The following PPP1R3F variants were observed in gnomAD, a reference collection of about 807,000 sequenced individuals.
PPP1R3F encodes protein phosphatase 1 regulatory subunit 3F, also known as protein phosphatase 1, regulatory (inhibitor) subunit 3F.
In PPP1R3F, 29 loss-of-function variants were observed where a neutral mutation model predicts 24.2. That is an observed-to-expected ratio of 1.20 (90% CI 0.89 to 1.63). The LOEUF (loss-of-function observed/expected upper bound fraction) is 1.63. PPP1R3F is among the 40% of genes most tolerant of loss of function. PPP1R3F has a pLI of 0.00. For missense variants in PPP1R3F, 823 were observed against 729.3 expected, an observed-to-expected ratio of 1.13 and a Z score of -1.48; for synonymous variants, 363 against 340.1, an observed-to-expected ratio of 1.07 and a Z score of -0.74.
intron 3 of PPP1R3F, among the ~76,000 whole-genome samples, chrX:49,300,645 G>A (rs2066335188): frequency 9.1e-6 from 1 of 109,639 alleles, no homozygotes; most frequent in South Asian, 3.9e-4. Flanking sequence ...ACAAGCCACC[G>A]TGGCCCGATT....
Position 49,282,032 on chromosome X carries a change from C to G in PPP1R3F, c.1112C>G (p.Pro371Arg). 3 of 1,210,047 alleles carry G rather than the reference C, an allele frequency of 2.5e-6. No homozygotes were observed. Among genetic ancestry groups the G allele is most frequent in the Non-Finnish European group, 3.4e-6 (3 of 893,963 alleles). The change falls in exon 3 of 4, where the codon CCT becomes CGT. Residue 371 changes from proline (P) to arginine (R), a missense_variant. Physicochemically the swap from Pro to Arg is moderately radical, Grantham distance 103 (BLOSUM62 -2). Transcript: ENST00000055335. ...GTGGGTCCACTGGTAGCCCCCACCC[C>G]TCTCCGTCCATGGCCCCAGATGACA... ...ESVGPLVAPT[P>R]LRPWPQMTLQ... is the part of the protein sequence containing the mutation.
chrX:49,295,503 G>A (rs1325189065), intron 3 of PPP1R3F, among the ~76,000 whole-genome samples: 1 of 111,610 alleles, frequency 9.0e-6, no homozygotes, highest in Non-Finnish European at 1.9e-5. Flanking sequence ...GCCTCACTTG[G>A]TCATGGTGTC....
At chrX:49,271,581 T>C (rs2066180634) in intron 1 of PPP1R3F, among the ~76,000 whole-genome samples, 1 of 112,275 alleles carries the variant, frequency 8.9e-6, no homozygotes, top group South Asian at 3.6e-4. Flanking sequence ...TAGAGCAGAT[T>C]CTCTTTCTGA....
chrX:49,291,438 C>T (rs782410175), downstream of PPP1R3F, among the ~76,000 whole-genome samples: 25 of 109,368 alleles, frequency 2.3e-4, no homozygotes, highest in African/African-American at 8.0e-4. Context: ...AGAGATTCTC[C>T]TGCCTCAGCC....
At position 49,286,400 on chromosome X, in the gene PPP1R3F, C is replaced by G; in HGVS notation, c.1710C>G (p.Thr570=). 1 of 1,191,182 alleles carries G rather than the reference C, an allele frequency of 8.4e-7. No homozygotes were observed. Among genetic ancestry groups the G allele is most frequent in the African/African-American group, 1.7e-5 (1 of 57,595 alleles). The change falls in exon 4 of 4, where the codon ACC becomes ACG. Residue 570 remains threonine (T), a synonymous_variant. Coordinates refer to ENST00000055335, the MANE Select transcript of PPP1R3F (RefSeq NM_033215.5). ...GTGGCGTGGAGCTCATCAAGGACAC[C>G]GAAGACCCTGATGATGAAGGGGAGG... is the stretch of plus-strand genomic sequence containing the variant. ...LGRGVELIKD[T]EDPDDEGEGE... is the part of the protein sequence containing the mutation.
In PPP1R3F at chrX:49,270,266, C is replaced by T. The variant is rs782299856; in HGVS notation, c.397C>T (p.Arg133Cys). The T allele has an allele frequency of 2.7e-6, 3 of 1,098,875 alleles. No individual in the cohort carries two copies. The highest frequency in any genetic ancestry group is 3.9e-5 in the African/African-American group (2 of 51,724). 90.6% of individuals were successfully genotyped at this position (1,098,875 alleles called of 1,213,427 possible). Residue 133 changes from arginine to cysteine, a missense_variant, in exon 1 of 4, where the codon CGC (arginine) becomes TGC (cysteine). Physicochemically the swap from Arg to Cys is radical, Grantham distance 180 (BLOSUM62 -3). Coordinates refer to ENST00000055335, the MANE Select transcript of PPP1R3F (RefSeq NM_033215.5). Reference sequence around the variant, plus strand: ...GCCGGGCCGTCTGGAGCGCTTGGGGCGCGTCATGGTGGAGCTGGAGGCGCT... The same window carrying T: ...GCCGGGCCGTCTGGAGCGCTTGGGGTGCGTCATGGTGGAGCTGGAGGCGCT... The part of the protein sequence containing the change: ...PAPGRLERLG[R>C]VMVELEALLP...
downstream of PPP1R3F, among the ~76,000 whole-genome samples, chrX:49,291,288 T>TTCTCTCTCTC (rs781932322): frequency 0.021 from 1,087 of 50,582 alleles, 55 homozygotes; most frequent in African/African-American, 0.062. Flanking sequence ...CAGCCTACTT[T>TTCTCTCTCTC]TCTCTCTCTC....
At chrX:49,294,447 G>A (rs2066317360) in intron 3 of PPP1R3F, among the ~76,000 whole-genome samples, 1 of 108,548 alleles carries the variant, frequency 9.2e-6, no homozygotes, top group Non-Finnish European at 1.9e-5. Flanking sequence ...CTCGAACTCC[G>A]GAGCTCAAGT....
chrX:49,276,260 A>G (rs929958614), intron 1 of PPP1R3F, among the ~76,000 whole-genome samples: 1 of 112,365 alleles, frequency 8.9e-6, no homozygotes, highest in East Asian at 2.8e-4. Context: ...CCTCAATGGA[A>G]ATTTGGAGGG....
At chrX:49,294,973 T>C (rs1364721426) in intron 3 of PPP1R3F, among the ~76,000 whole-genome samples, 1 of 105,799 alleles carries the variant, frequency 9.5e-6, no homozygotes, top group Non-Finnish European at 1.9e-5. Context: ...GGATGCTTTA[T>C]ATCAGGTTAA....
intron 1 of PPP1R3F, chrX:49,274,949 A>G (rs1285965179): frequency 9.0e-6 from 1 of 110,551 alleles, no homozygotes; most frequent in East Asian, 2.9e-4. Context: ...AGTTTCTGCT[A>G]CTTGCTCTAG....
Position 49,282,015 on chromosome X carries a change from A to G in PPP1R3F, c.1095A>G (p.Pro365=). The change falls in exon 3 of 4, where the codon CCA becomes CCG. Residue 365 remains proline (P), a synonymous_variant. Transcript: ENST00000055335. ...CTGATGTCCAGGAGTCAGTGGGTCC[A>G]CTGGTAGCCCCCACCCCTCTCCGTC... ...EHPDVQESVG[P]LVAPTPLRPW... The G allele has an allele frequency of 8.3e-7, 1 of 1,210,355 alleles. No homozygotes were observed. Among genetic ancestry groups the G allele is most frequent in the Non-Finnish European group, 1.1e-6 (1 of 894,347 alleles).
intron 2 of PPP1R3F, among the ~76,000 whole-genome samples, chrX:49,281,767 G>T (rs1204799755): frequency 2.7e-5 from 3 of 110,494 alleles, no homozygotes; most frequent in African/African-American, 9.9e-5. Flanking sequence ...GGTTGATGCT[G>T]CAGTGAGTCA....
At chrX:49,295,363 C>T (rs1198433802) in intron 3 of PPP1R3F, among the ~76,000 whole-genome samples, 4 of 111,115 alleles carry the variant, frequency 3.6e-5, no homozygotes, top group Admixed American at 9.6e-5. Context: ...AGGCTCATCT[C>T]GAACTCCTGG....
At position 49,287,063 on chromosome X, in the gene PPP1R3F, G is replaced by T. The variant is rs782533592; in HGVS notation, c.2373G>T (p.Leu791=). 8.3e-7 allele frequency: 1 copy of T among 1,211,261 alleles called. No homozygotes were observed. Among genetic ancestry groups the T allele is most frequent in the East Asian group, 3.0e-5 (1 of 33,866 alleles). The change falls in exon 4 of 4, where the codon CTG becomes CTT. Residue 791 remains leucine, a synonymous_variant. Coordinates refer to ENST00000055335, the MANE Select transcript of PPP1R3F (RefSeq NM_033215.5). ...NSGVSLLVLA[L]CLSLAWFS ...GTGTGTCCCTCCTGGTGCTTGCGCT[G>T]TGCCTCTCTCTGGCTTGGTTCTCAT...
At chrX:49,280,562 T>TTTTTTTTTTTTTA (rs1569530703) in intron 1 of PPP1R3F, among the ~76,000 whole-genome samples, 7 of 100,091 alleles carry the variant, frequency 7.0e-5, no homozygotes, top group African/African-American at 7.6e-5. Context: ...TTTTTTTTTT[T>TTTTTTTTTTTTTA]GAGACTGAGT....
intron 1 of PPP1R3F, among the ~76,000 whole-genome samples, chrX:49,271,113 C>T (rs1166941752): frequency 8.9e-6 from 1 of 111,971 alleles, no homozygotes; most frequent in East Asian, 2.8e-4. Context: ...ATCTACCCTA[C>T]CCTCAAGGAT....
In PPP1R3F at chrX:49,286,757, T is replaced by G. The variant is rs2066288244; in HGVS notation, c.2067T>G (p.Ser689=). The part of the protein sequence containing the change: ...SEWAGSLDPI[S]GKEPASPVLL... ...GGGCAGGCAGCTTGGATCCCATATC[T>G]GGCAAGGAGCCAGCCTCTCCCGTCC... Residue 689 remains serine (S), a synonymous_variant, in exon 4 of 4, where the codon TCT becomes TCG. Transcript: ENST00000055335. 1.7e-6 allele frequency: 2 copies of G among 1,201,564 alleles called. No homozygotes were observed. The highest frequency in any genetic ancestry group is 4.5e-5 in the Admixed American group (2 of 44,936).
rs1273071762 is a variant in PPP1R3F at position 49,270,595 on chromosome X, C to G, written c.726C>G (p.Arg242=). 11 of 1,203,747 alleles carry G rather than the reference C, an allele frequency of 9.1e-6. No homozygotes were observed. In the African/African-American group the frequency reaches 1.9e-4, roughly 21 times the overall value. ...SSPDDGGRTD[R]FAFQLPFAEG... ...CCGACGACGGCGGCCGCACCGACCG[C>G]TTTGCCTTCCAGCTGCCCTTTGCTG... Residue 242 remains arginine, a synonymous_variant, in exon 1 of 4, where the codon CGC becomes CGG. Transcript: ENST00000055335.
Sources: gnomAD v4.1 joint callset for allele counts (sites outside exome capture counted in the v4.1 genomes callset) on GRCh38, gnomAD v4.1.1 for gene constraint, MANE v1.5 for transcripts, NCBI Gene and HGNC (gene_info 2026-07-23, HGNC 2026-07-21) for gene names.